The following ACOXL variants were observed in gnomAD, a reference collection of about 807,000 sequenced individuals.
ACOXL encodes acyl-CoA oxidase like.
Under a neutral mutation model 71.9 loss-of-function variants are expected in ACOXL, and 70 were observed. The ratio of observed to expected loss-of-function variants is 0.97; its 90% CI spans 0.80 to 1.19. The LOEUF (loss-of-function observed/expected upper bound fraction) is 1.19. ACOXL is among the 50% of genes most tolerant of loss of function. ACOXL has a pLI of 0.00. For synonymous variants in ACOXL, 253 were observed against 281.6 expected (o/e 0.90, Z 1.02); for missense variants, 703 against 736.3 (o/e 0.95, Z 0.52).
At chr2:110,752,536 A>C (rs1056398938) in intron 1 of ACOXL, among the ~76,000 whole-genome samples, 4 of 151,306 alleles carry the variant, frequency 2.6e-5, no homozygotes, top group African/African-American at 7.3e-5. Context: ...GAGAGAAAGT[A>C]GTGATTGAGG....
chr2:110,880,174 A>C (rs191078883), intron 10 of ACOXL, among the ~76,000 whole-genome samples: 2 of 148,748 alleles, frequency 1.3e-5, no homozygotes, highest in Non-Finnish European at 3.0e-5. Flanking sequence ...AAAAAAAAAG[A>C]AAAGAAAAGA....
intron 1 of ACOXL, among the ~76,000 whole-genome samples, chr2:110,733,694 T>C (rs1362770405): frequency 6.6e-6 from 1 of 152,180 alleles, no homozygotes; most frequent in African/African-American, 2.4e-5. Flanking sequence ...CTGGGGTTCC[T>C]GCACTGAGGT....
intron 16 of ACOXL, among the ~76,000 whole-genome samples, chr2:111,059,816 A>G (rs912841189): frequency 1.2e-4 from 18 of 150,418 alleles, no homozygotes; most frequent in South Asian, 4.2e-4. Context: ...GGAGGAGGAG[A>G]AGGAAGAGGA....
intron 15 of ACOXL, among the ~76,000 whole-genome samples, chr2:111,043,495 G>A (rs936446534): frequency 6.6e-6 from 1 of 152,176 alleles, no homozygotes; most frequent in African/African-American, 2.4e-5. Flanking sequence ...TGAGAGCGCC[G>A]CAGTCACACA....
At chr2:110,781,676 GAAA>G (rs1448953373) in intron 2 of ACOXL, among the ~76,000 whole-genome samples, 1 of 151,314 alleles carries the variant, frequency 6.6e-6, no homozygotes, top group Admixed American at 6.6e-5. Flanking sequence ...TATAAAAAAA[GAAA>G]AAAAAGAAGT....
At chr2:110,796,550 G>C (rs1259991791) in intron 5 of ACOXL, among the ~76,000 whole-genome samples, 1 of 152,170 alleles carries the variant, frequency 6.6e-6, no homozygotes, top group Non-Finnish European at 1.5e-5. Flanking sequence ...GGGACGGGTG[G>C]CCTTCTGCTC....
chr2:110,736,200 A>G lies in ACOXL; in HGVS notation c.-23+3426A>G, dbSNP rs1196420722. Reference sequence around the variant, plus strand: ...AGTTTCCTAAAATGTTTCCTCCTACAGCCATTTTTTTTTATTGTGGCAAAA... The same window carrying G: ...AGTTTCCTAAAATGTTTCCTCCTACGGCCATTTTTTTTTATTGTGGCAAAA... On this transcript the variant is annotated intron_variant, in intron 1 of 17. Coordinates refer to ENST00000439055, the MANE Select transcript of ACOXL (RefSeq NM_001142807.4). Among the ~76,000 whole-genome samples the G allele has an allele frequency of 2.0e-5, 3 of 152,302 alleles. 1 individual carries two copies.
At chr2:110,923,762 C>T (rs2060166945) in intron 11 of ACOXL, among the ~76,000 whole-genome samples, 1 of 152,010 alleles carries the variant, frequency 6.6e-6, no homozygotes, top group South Asian at 2.1e-4. Flanking sequence ...GGTGAAACCC[C>T]ATCCCTACTA....
At chr2:110,981,993 G>T (rs528533799) in intron 12 of ACOXL, among the ~76,000 whole-genome samples, 4 of 152,186 alleles carry the variant, frequency 2.6e-5, no homozygotes, top group Non-Finnish European at 5.9e-5. Flanking sequence ...CACCAACAAG[G>T]TCCAGATTTA....
At chr2:110,838,614 A>G (rs1028708804) in intron 9 of ACOXL, among the ~76,000 whole-genome samples, 33 of 152,190 alleles carry the variant, frequency 2.2e-4, no homozygotes, top group African/African-American at 8.0e-4. Context: ...GAGCAGGCAT[A>G]CATATGGAAG....
Position 111,117,874 on chromosome 2 carries a change from G to C in ACOXL, c.*58G>C, listed in dbSNP as rs564093073. 94 of 1,513,200 alleles carry C rather than the reference G, an allele frequency of 6.2e-5. No individual in the cohort carries two copies. The East Asian group carries it at 2.3e-3, about 37-fold the overall frequency. 93.7% of individuals were successfully genotyped at this position (1,513,200 alleles called of 1,614,324 possible). ...CAGCTGCCACGACGCTCGCTCCACC[G>C]ACGCCCAGAGCTGTGGCCGAGGCCG... is the stretch of plus-strand genomic sequence containing the variant. On this transcript the variant is annotated 3_prime_UTR_variant, in exon 18 of 18. Transcript: ENST00000439055.
At chr2:110,850,455 C>T (rs1692466212) in intron 10 of ACOXL, among the ~76,000 whole-genome samples, 1 of 152,116 alleles carries the variant, frequency 6.6e-6, no homozygotes, top group Non-Finnish European at 1.5e-5. Context: ...AAAAAATACT[C>T]GAACTGATTA....
intron 16 of ACOXL, among the ~76,000 whole-genome samples, chr2:111,056,818 A>G (rs1430314299): frequency 2.0e-5 from 3 of 150,786 alleles, no homozygotes; most frequent in Non-Finnish European, 2.9e-5. Context: ...ATTTCATGGT[A>G]GTATGCCAGG....
chr2:110,842,583 A>G (rs1305158645), intron 10 of ACOXL, among the ~76,000 whole-genome samples: 1 of 152,228 alleles, frequency 6.6e-6, no homozygotes, highest in African/African-American at 2.4e-5. Context: ...GCACAGTTGT[A>G]GAGATGGATA....
At chr2:111,023,448 C>CA (rs2064870941) in intron 14 of ACOXL, among the ~76,000 whole-genome samples, 2 of 152,022 alleles carry the variant, frequency 1.3e-5, no homozygotes, top group African/African-American at 2.4e-5. Context: ...CTGTTTTAAT[C>CA]AAAAAATGGG....
intron 12 of ACOXL, among the ~76,000 whole-genome samples, chr2:110,966,308 C>T (rs1417670673): frequency 1.3e-5 from 2 of 152,134 alleles, no homozygotes; most frequent in African/African-American, 4.8e-5. Flanking sequence ...AAGGTGGAGC[C>T]CATCACCAGT....
At chr2:111,093,857 C>T (rs193040950) in intron 17 of ACOXL, 29 of 215,200 alleles carry the variant, frequency 1.3e-4, no homozygotes, top group African/African-American at 6.6e-4. Context: ...GAGTGAGACT[C>T]CATCTCAAAA....
Position 110,979,860 on chromosome 2 carries a change from G to C in ACOXL, c.1060-7248G>C, listed in dbSNP as rs185653042. On this transcript the variant is annotated intron_variant, in intron 12 of 17. Transcript: ENST00000439055. ...CTCAGCTCCCACTGACCATCGCTTT[G>C]GGGGAACATTGGTTCAGGCTTTGCA... Among the ~76,000 whole-genome samples, 475 of 152,292 alleles carry C rather than the reference G, an allele frequency of 3.1e-3. 3 individuals are homozygous for C. The highest frequency in any genetic ancestry group is 0.011 in the African/African-American group (452 of 41,558).
intron 9 of ACOXL, among the ~76,000 whole-genome samples, chr2:110,821,111 C>G (rs1475048326): frequency 6.6e-6 from 1 of 152,202 alleles, no homozygotes; most frequent in East Asian, 1.9e-4. Flanking sequence ...CAAGCACAAT[C>G]CACTAAAGCT....
Sources: allele counts gnomAD v4.1 joint callset (sites outside exome capture counted in the v4.1 genomes callset), GRCh38; gene constraint gnomAD v4.1.1; transcripts MANE v1.5; gene names NCBI Gene and HGNC (gene_info 2026-07-23, HGNC 2026-07-21).